Variants in SPAST observed in about 807,000 individuals in gnomAD.
The protein encoded by SPAST is spastin.
A neutral mutation model predicts 76.6 loss-of-function variants in SPAST; 30 were observed. The observed-to-expected ratio is 0.39, with a 90% confidence interval of 0.29 to 0.53. The LOEUF (loss-of-function observed/expected upper bound fraction) is 0.53. Among genes scored for constraint, SPAST ranks in the 20% least tolerant of loss-of-function variants. The pLI is 0.68. For missense variants in SPAST, 717 were observed against 770.5 expected (o/e 0.93, Z 0.82); for synonymous variants, 305 against 281.0 (o/e 1.09, Z -0.86).
intron 3 of SPAST, among the ~76,000 whole-genome samples, chr2:32,095,083 G>C (rs1677868490): frequency 1.3e-5 from 2 of 152,220 alleles, no homozygotes; most frequent in Admixed American, 1.3e-4. Context: ...ACCAGGGAGA[G>C]CAATTAGGAC....
intron 1 of SPAST, among the ~76,000 whole-genome samples, chr2:32,072,267 T>C (rs772806192): frequency 2.6e-5 from 4 of 152,046 alleles, no homozygotes; most frequent in Non-Finnish European, 4.4e-5. Context: ...ATGGTCTCGA[T>C]CTCTTGACCT....
Position 32,098,792 on chromosome 2 carries a change from A to G in SPAST, c.587-4A>G, listed in dbSNP as rs1400181900. On this transcript the variant is annotated splice_polypyrimidine_tract_variant and splice_region_variant and intron_variant, in intron 3 of 16. Coordinates refer to ENST00000315285, the MANE Select transcript of SPAST (RefSeq NM_014946.4). The stretch of plus-strand genomic sequence containing the variant: ...TTCTGTTTTTTACCTTCTCTGTTGC[A>G]TAGAGAAGATGCAACCAGTTTTGCC... 6.3e-7 allele frequency: 1 copy of G among 1,598,982 alleles called. No individual in the cohort carries two copies. Among genetic ancestry groups the G allele is most frequent in the Middle Eastern group, 1.7e-4 (1 of 6,022 alleles).
chr2:32,119,566 A>G (rs1049554452), intron 7 of SPAST, among the ~76,000 whole-genome samples: 5 of 152,222 alleles, frequency 3.3e-5, no homozygotes, highest in African/African-American at 1.2e-4. Context: ...AATCTTGCTC[A>G]TTCATGAAGC....
At chr2:32,134,644 A>G (rs1181518561) in intron 9 of SPAST, among the ~76,000 whole-genome samples, 1 of 151,972 alleles carries the variant, frequency 6.6e-6, no homozygotes, top group Non-Finnish European at 1.5e-5. Context: ...CATTATGCAC[A>G]TGGTATAATG....
intron 1 of SPAST, among the ~76,000 whole-genome samples, chr2:32,075,500 G>A (rs12992743): frequency 0.36 from 42,614 of 119,950 alleles, 8,697 homozygotes; most frequent in East Asian, 0.59. Flanking sequence ...AAAAGAGATG[G>A]AAGTCTCTCC....
chr2:32,104,666 G>A (rs1455791437), intron 4 of SPAST, among the ~76,000 whole-genome samples: 1 of 152,120 alleles, frequency 6.6e-6, no homozygotes, highest in African/African-American at 2.4e-5. Context: ...AAATCTGTCA[G>A]CATTTGCTTG....
At chr2:32,109,334 C>T (rs1217302118) in intron 4 of SPAST, among the ~76,000 whole-genome samples, 1 of 151,766 alleles carries the variant, frequency 6.6e-6, no homozygotes, top group African/African-American at 2.4e-5. Flanking sequence ...GTCTCGAACT[C>T]CTGACTTCAG....
In SPAST at chr2:32,114,649, G is replaced by C. The variant is rs1473592292; in HGVS notation, c.694G>C (p.Val232Leu). The C allele has an allele frequency of 1.9e-6, 3 of 1,613,812 alleles. No homozygotes were observed. In the African/African-American group the frequency reaches 4.0e-5, roughly 22 times the overall value. ...TTTTTCCTTGTCAGAAAGTGGAGCT[G>C]TTCCAAAAAGAAAAGACCCCTTAAC... ...NGHLQSESGA[V>L]PKRKDPLTHT... Residue 232 changes from valine (V) to leucine (L), a missense_variant, in exon 5 of 17, where the codon GTT becomes CTT. Val to Leu is a conservative substitution (Grantham distance 32). This residue lies in a region of SPAST where 543 missense variants were observed against 445.2 expected (regional missense o/e 1.22). Transcript: ENST00000315285.
At chr2:32,140,943 G>GTT (rs35964074) in intron 12 of SPAST, among the ~76,000 whole-genome samples, 4 of 117,208 alleles carry the variant, frequency 3.4e-5, no homozygotes, top group Non-Finnish European at 7.6e-5. Context: ...TGTTGTTGTT[G>GTT]TTTTTTTTTT....
At chr2:32,113,282 A>G (rs947357797) in intron 4 of SPAST, among the ~76,000 whole-genome samples, 4 of 151,884 alleles carry the variant, frequency 2.6e-5, no homozygotes, top group Non-Finnish European at 5.9e-5. Flanking sequence ...ATGGGGTTTC[A>G]CCATGTTGGC....
chr2:32,124,452 G>A (rs1329736025), intron 7 of SPAST, among the ~76,000 whole-genome samples: 1 of 152,108 alleles, frequency 6.6e-6, no homozygotes, highest in Non-Finnish European at 1.5e-5. Flanking sequence ...ATTTTGGAAG[G>A]TAGTTGGACA....
intron 2 of SPAST, among the ~76,000 whole-genome samples, chr2:32,088,625 CAA>C (rs1457384337): frequency 6.6e-6 from 1 of 152,092 alleles, no homozygotes; most frequent in South Asian, 2.1e-4. Flanking sequence ...GCCTGGGCAA[CAA>C]GAGTGAAACT....
rs1196646723 is a variant in SPAST at position 32,127,042 on chromosome 2, T to C, written c.1173+20T>C. The C allele has an allele frequency of 1.3e-6, 2 of 1,552,362 alleles. No individual in the cohort carries two copies. The highest frequency in any genetic ancestry group is 8.9e-7 in the Non-Finnish European group (1 of 1,123,726). ...ATGCTGGTAAGGGTTCTCTTCAAAT[T>C]TGAGTTTTCTGTTGAGATATTTGGG... On this transcript the variant is annotated intron_variant, in intron 8 of 16. Transcript: ENST00000315285.
At chr2:32,075,846 C>A (rs1224681331) in intron 1 of SPAST, among the ~76,000 whole-genome samples, 1 of 143,280 alleles carries the variant, frequency 7.0e-6, no homozygotes, top group Non-Finnish European at 1.5e-5. Context: ...GAGCCCTGCT[C>A]CCAGACTCCT....
At chr2:32,099,460 T>C (rs978274087) in intron 4 of SPAST, among the ~76,000 whole-genome samples, 1 of 152,162 alleles carries the variant, frequency 6.6e-6, no homozygotes, top group African/African-American at 2.4e-5. Flanking sequence ...TTCTGTTTTG[T>C]TTTCTTTGGG....
At chr2:32,105,411 C>G (rs932984318) in intron 4 of SPAST, among the ~76,000 whole-genome samples, 1 of 152,180 alleles carries the variant, frequency 6.6e-6, no homozygotes, top group Admixed American at 6.5e-5. Flanking sequence ...CCTCCTTTAG[C>G]TCGGAGAACT....
At chr2:32,116,273 G>A (rs1199139734) in intron 7 of SPAST, 61 bp downstream of exon 7, 3 of 1,009,830 alleles carry the variant, frequency 3.0e-6, no homozygotes, top group African/African-American at 1.6e-5. Flanking sequence ...CATAGTAGTA[G>A]TAGTAGTAAA....
rs1679214464 is a variant in SPAST at position 32,126,966 on chromosome 2, G to A, written c.1117G>A (p.Ala373Thr). ...LRPELFTGLR[A>T]PARGLLLFGP... ...TTTTTAGTTGTTCACAGGGCTTAGA[G>A]CTCCTGCCAGAGGGCTGTTACTCTT... is the stretch of plus-strand genomic sequence containing the variant. Residue 373 changes from alanine (A) to threonine (T), a missense_variant, in exon 8 of 17, where the codon GCT (alanine) becomes ACT (threonine). Physicochemically the swap from Ala to Thr is moderately conservative, Grantham distance 58. This residue lies in a region of SPAST where 78 missense variants were observed against 197.6 expected (regional missense o/e 0.39). Coordinates refer to ENST00000315285, the MANE Select transcript of SPAST (RefSeq NM_014946.4). The A allele has an allele frequency of 6.2e-7, 1 of 1,611,450 alleles. No individual in the cohort carries two copies. The highest frequency in any genetic ancestry group is 1.7e-5 in the Admixed American group (1 of 59,978).
intron 1 of SPAST, among the ~76,000 whole-genome samples, chr2:32,080,550 C>G (rs1481980342): frequency 1.3e-5 from 2 of 151,314 alleles, no homozygotes; most frequent in Admixed American, 6.6e-5. Context: ...TATATGGGGT[C>G]ATAGAGTTAA....
Sources: gnomAD v4.1 joint callset for allele counts (sites outside exome capture counted in the v4.1 genomes callset) on GRCh38, gnomAD v4.1.1 for gene constraint, gnomAD v4.1.1 regional missense constraint, MANE v1.5 for transcripts, NCBI Gene and HGNC (gene_info 2026-07-23, HGNC 2026-07-21) for gene names.